ZSWIM6: variants seen among roughly 807,000 people sequenced by gnomAD.
ZSWIM6 encodes the protein zinc finger SWIM domain-containing protein 6.
Under a neutral mutation model 113.2 loss-of-function variants are expected in ZSWIM6, and 9 were observed. The observed-to-expected ratio is 0.08, with a 90% CI of 0.05 to 0.14. The LOEUF (loss-of-function observed/expected upper bound fraction) is 0.14, where lower values mean the gene tolerates loss of function less well. ZSWIM6 is among the 10% of genes least tolerant of loss of function. The pLI is 1.00. For synonymous variants in ZSWIM6, 611 were observed against 606.5 expected (o/e 1.01, Z -0.11); for missense variants, 1,162 against 1,552.2 (o/e 0.75, Z 4.22).
At position 61,530,176 on chromosome 5, in the gene ZSWIM6, C is replaced by T. The variant is rs563676654; in HGVS notation, c.1962C>T (p.Leu654=). Residue 654 remains leucine, a synonymous_variant, in exon 8 of 14, where the codon CTC becomes CTT. Coordinates refer to ENST00000252744, the MANE Select transcript of ZSWIM6 (RefSeq NM_020928.2). ...MEACRIDDEN[L]SGFSDFTENM... ...CCTGCCGCATTGATGATGAGAACCTCTCTGGGTTCTCAGATTTTACAGGTA... is the reference window on the plus strand; with the variant it reads ...CCTGCCGCATTGATGATGAGAACCTTTCTGGGTTCTCAGATTTTACAGGTA... 9 of 1,551,282 alleles carry T rather than the reference C, an allele frequency of 5.8e-6. No homozygotes were observed. In the Admixed American group the frequency reaches 9.8e-5, roughly 17 times the overall value.
intron 1 of ZSWIM6, among the ~76,000 whole-genome samples, chr5:61,352,693 A>G (rs1290265421): frequency 6.6e-6 from 1 of 152,232 alleles, no homozygotes; most frequent in Non-Finnish European, 1.5e-5. Flanking sequence ...ACGGTATGCT[A>G]TTTTAATTAC....
rs1289361180 is a variant in ZSWIM6 at position 61,538,748 on chromosome 5, G to A, written c.2382-66G>A. On this transcript the variant is annotated intron_variant, in intron 10 of 13. Coordinates refer to ENST00000252744, the MANE Select transcript of ZSWIM6 (RefSeq NM_020928.2). ...CCACTCCTCTGGCTTCTGTTGGCCAGTCTTTCTGGCCAAGGACATGGTCAA... is the reference window on the plus strand; with the variant it reads ...CCACTCCTCTGGCTTCTGTTGGCCAATCTTTCTGGCCAAGGACATGGTCAA... The A allele has an allele frequency of 2.7e-6, 4 of 1,494,242 alleles. No individual in the cohort carries two copies. In the East Asian group the frequency reaches 9.9e-5, roughly 37 times the overall value. The allele number at this position is 1,494,242 out of a possible 1,614,324, so 92.6% of individuals were successfully genotyped here.
At chr5:61,531,916 T>C (rs1234708751) in intron 9 of ZSWIM6, among the ~76,000 whole-genome samples, 191 bp downstream of exon 9, 1 of 152,194 alleles carries the variant, frequency 6.6e-6, no homozygotes, top group Non-Finnish European at 1.5e-5. Flanking sequence ...GATGTTTAGA[T>C]TTGTATCATT....
At chr5:61,392,135 A>G (rs1213727556) in intron 1 of ZSWIM6, among the ~76,000 whole-genome samples, 1 of 152,184 alleles carries the variant, frequency 6.6e-6, no homozygotes, top group Non-Finnish European at 1.5e-5. Context: ...ATCTTTATGT[A>G]TAGATACTCT....
intron 4 of ZSWIM6, 146 bp from the exon 5 acceptor site, chr5:61,521,112 ATTAAC>A (rs1749105292): frequency 5.9e-6 from 2 of 337,632 alleles, no homozygotes; most frequent in Admixed American, 5.6e-5. Context: ...AAAATTTATA[ATTAAC>A]TTGATAATTT....
chr5:61,395,447 G>T (rs1445219882), intron 1 of ZSWIM6, among the ~76,000 whole-genome samples: 1 of 152,150 alleles, frequency 6.6e-6, no homozygotes, highest in Non-Finnish European at 1.5e-5. Flanking sequence ...CCTGTACACA[G>T]ATATGGATCT....
At chr5:61,408,547 C>CA (rs931144490) in intron 1 of ZSWIM6, among the ~76,000 whole-genome samples, 2 of 152,168 alleles carry the variant, frequency 1.3e-5, no homozygotes, top group African/African-American at 4.8e-5. Flanking sequence ...TATTAAAAAT[C>CA]AGTCAGTTGT....
intron 5 of ZSWIM6, among the ~76,000 whole-genome samples, chr5:61,522,241 A>G (rs141257464): frequency 0.015 from 2,343 of 152,160 alleles, 25 homozygotes; most frequent in Non-Finnish European, 0.026. Flanking sequence ...CCCTTTCAAA[A>G]TGAAATTCTT....
intron 1 of ZSWIM6, among the ~76,000 whole-genome samples, chr5:61,355,440 ACACACACACACACACACACACACACAC>A (rs1744881557): frequency 4.9e-5 from 2 of 40,534 alleles, no homozygotes; most frequent in African/African-American, 1.9e-4. Context: ...AAACACACAC[ACACACACACACACACACACACACACAC>A]ACACACACAC....
chr5:61,532,500 C>G (rs1434152182), intron 9 of ZSWIM6, among the ~76,000 whole-genome samples: 2 of 152,088 alleles, frequency 1.3e-5, no homozygotes, highest in African/African-American at 2.4e-5. Flanking sequence ...TTATGGGATT[C>G]TCTGTGATTG....
intron 6 of ZSWIM6, 107 bp from the exon 7 acceptor site, chr5:61,526,143 C>A (rs1426540819): frequency 3.1e-5 from 44 of 1,439,130 alleles, no homozygotes; most frequent in Non-Finnish European, 4.1e-5. Context: ...GGAATGGTTT[C>A]TTGTGTCTTT....
At chr5:61,468,960 T>G (rs534566163) in intron 1 of ZSWIM6, among the ~76,000 whole-genome samples, 61 of 152,280 alleles carry the variant, frequency 4.0e-4, no homozygotes, top group South Asian at 2.5e-3. Context: ...AAGGTAAAAC[T>G]TCTCTACTTT....
chr5:61,417,807 A>C (rs1746286343), intron 1 of ZSWIM6, among the ~76,000 whole-genome samples: 1 of 152,184 alleles, frequency 6.6e-6, no homozygotes, highest in Non-Finnish European at 1.5e-5. Flanking sequence ...TTATCTGTGA[A>C]TTTTTAAAGC....
At chr5:61,339,417 A>G (rs1744485046) in intron 1 of ZSWIM6, among the ~76,000 whole-genome samples, 1 of 152,250 alleles carries the variant, frequency 6.6e-6, no homozygotes, top group African/African-American at 2.4e-5. Context: ...TGTCTCAAAA[A>G]AAAAATCACA....
At position 61,344,925 on chromosome 5, in the gene ZSWIM6, GTGAT is replaced by G. The variant is rs370741903; in HGVS notation, c.676+11982_676+11985del. Among the ~76,000 whole-genome samples the G allele has an allele frequency of 7.2e-5, 11 of 152,312 alleles. No homozygotes were observed. In the East Asian group the frequency reaches 2.1e-3, roughly 29 times the overall value. ...AAATAGGATGTACATGTTTTTAGAAGTGATTGATCTTTAATAGTAGCCATACATA... is the reference window on the plus strand; with the variant it reads ...AAATAGGATGTACATGTTTTTAGAAGTGATCTTTAATAGTAGCCATACATA... On this transcript the variant is annotated intron_variant, in intron 1 of 13. Transcript: ENST00000252744.
intron 1 of ZSWIM6, among the ~76,000 whole-genome samples, chr5:61,439,194 A>C (rs1030881539): frequency 2.0e-5 from 3 of 152,134 alleles, no homozygotes; most frequent in African/African-American, 7.2e-5. Flanking sequence ...AAGGCAAATG[A>C]CTTTTATTTT....
intron 1 of ZSWIM6, among the ~76,000 whole-genome samples, chr5:61,396,767 G>C (rs1010141788): frequency 6.6e-6 from 1 of 151,864 alleles, no homozygotes; most frequent in Non-Finnish European, 1.5e-5. Flanking sequence ...TTAAGTTTTT[G>C]GTTAAAATTT....
intron 1 of ZSWIM6, among the ~76,000 whole-genome samples, chr5:61,340,985 C>T (rs1180301746): frequency 6.6e-6 from 1 of 152,238 alleles, no homozygotes; most frequent in Admixed American, 6.5e-5. Flanking sequence ...AACTGTATTA[C>T]AGCTGTGTGA....
intron 1 of ZSWIM6, among the ~76,000 whole-genome samples, chr5:61,449,795 GTACTT>G (rs983511859): frequency 1.1e-4 from 17 of 150,646 alleles, no homozygotes; most frequent in Non-Finnish European, 2.4e-4. Context: ...GTAAGGGTGG[GTACTT>G]TAGGACAGGA....
Sources: gnomAD v4.1 joint callset for allele counts (sites outside exome capture counted in the v4.1 genomes callset) on GRCh38, gnomAD v4.1.1 for gene constraint, MANE v1.5 for transcripts, NCBI Gene and HGNC (gene_info 2026-07-23, HGNC 2026-07-21) for gene names.